Variants in MCTP2 observed in about 807,000 individuals in gnomAD.
MCTP2 encodes multiple C2 and transmembrane domain containing 2.
In MCTP2, 132 loss-of-function variants were observed where a neutral mutation model predicts 111.6. The ratio of observed to expected loss-of-function variants is 1.18; its 90% CI spans 1.03 to 1.37. The LOEUF is 1.37. MCTP2 is among the 40% of genes most tolerant of loss of function. The probability of loss-of-function intolerance (pLI) is 0.00; values close to 1 mark genes in which losing one functional copy is unlikely to be tolerated. For missense variants in MCTP2, 1,183 were observed against 1,067.9 expected, an observed-to-expected ratio of 1.11 and a Z score of -1.50; for synonymous variants, 395 against 387.7, an observed-to-expected ratio of 1.02 and a Z score of -0.22.
intron 21 of MCTP2, among the ~76,000 whole-genome samples, chr15:94,472,125 C>G (rs974371478): frequency 3.9e-5 from 6 of 152,220 alleles, no homozygotes; most frequent in Admixed American, 2.0e-4. Flanking sequence ...CGCCTGTAAT[C>G]CCAGCACTTT....
At chr15:94,325,310 G>A (rs1024327711) in intron 4 of MCTP2, among the ~76,000 whole-genome samples, 4 of 152,152 alleles carry the variant, frequency 2.6e-5, no homozygotes, top group Non-Finnish European at 5.9e-5. Context: ...ACAGTCATAT[G>A]CAATAAACAT....
intron 1 of MCTP2, 110 bp from the exon 2 acceptor site, chr15:94,298,091 T>A: frequency 2.0e-6 from 1 of 501,390 alleles, no homozygotes; most frequent in Non-Finnish European, 3.5e-6. Flanking sequence ...TTGGAAACTG[T>A]AAGATTTTTG....
chr15:94,274,183 TAAAAA>T lies in MCTP2; in HGVS notation c.-65-24013_-65-24009del, dbSNP rs35530286. 4.6e-3 allele frequency among the ~76,000 whole-genome samples: 698 copies of T among 150,944 alleles called. 7 individuals are homozygous for T. The highest frequency in any genetic ancestry group is 0.016 in the African/African-American group (669 of 41,114). ...TTATGAGTGAAAATGGGAAATGCTC[TAAAAA>T]AAAAGAAATCAGGAAATATACTGAA... On this transcript the variant is annotated intron_variant, in intron 1 of 22. Transcript: ENST00000357742.
chr15:94,390,049 CATATATATATATATATATATATATAT>C (rs1169783409), intron 14 of MCTP2, among the ~76,000 whole-genome samples: 8 of 109,680 alleles, frequency 7.3e-5, no homozygotes, highest in African/African-American at 2.5e-4. Flanking sequence ...ATGTTCAAGG[CATATATATATATATATATATATATAT>C]ATATATATAT....
intron 4 of MCTP2, among the ~76,000 whole-genome samples, chr15:94,321,880 G>T (rs1468335002): frequency 6.6e-6 from 1 of 152,184 alleles, no homozygotes; most frequent in Non-Finnish European, 1.5e-5. Context: ...AATAAGGTAA[G>T]CTAGAGAAGA....
At chr15:94,279,902 C>T (rs1269791435) in intron 1 of MCTP2, among the ~76,000 whole-genome samples, 2 of 152,136 alleles carry the variant, frequency 1.3e-5, no homozygotes, top group African/African-American at 4.8e-5. Context: ...TGCGATGAAT[C>T]ACATTTATTG....
At position 94,315,553 on chromosome 15, in the gene MCTP2, T is replaced by C. The variant is rs764699724; in HGVS notation, c.553T>C (p.Leu185=). 6.2e-7 allele frequency: 1 copy of C among 1,613,938 alleles called. No individual in the cohort carries two copies. Among genetic ancestry groups the C allele is most frequent in the Non-Finnish European group, 8.5e-7 (1 of 1,179,980 alleles). The change falls in exon 4 of 23, where the codon TTG becomes CTG. Residue 185 remains leucine (L), a synonymous_variant. Transcript: ENST00000357742. The part of the protein sequence containing the change: ...QSVPGEASDG[L]SNLPSPFAYL... ...GGTACCGGGGGAAGCCAGTGATGGC[T>C]TGAGTAACCTCCCCAGCCCTTTTGC...
chr15:94,277,203 A>G (rs762656005), intron 1 of MCTP2, among the ~76,000 whole-genome samples: 23 of 152,312 alleles, frequency 1.5e-4, no homozygotes, highest in Middle Eastern at 3.4e-3. Context: ...TGAGATACCT[A>G]GGAATTAATT....
intron 2 of MCTP2, among the ~76,000 whole-genome samples, chr15:94,305,791 A>G (rs1435055193): frequency 6.6e-6 from 1 of 152,174 alleles, no homozygotes; most frequent in Non-Finnish European, 1.5e-5. Context: ...GGCCCTAAAG[A>G]AAGGAGTTTC....
In MCTP2 at chr15:94,401,884, C is replaced by T. The variant is rs770000504; in HGVS notation, c.1966-16C>T. 7 of 1,592,508 alleles carry T rather than the reference C, an allele frequency of 4.4e-6. No homozygotes were observed. The East Asian group carries it at 1.6e-4, about 36-fold the overall frequency. On this transcript the variant is annotated splice_polypyrimidine_tract_variant and intron_variant, in intron 16 of 22. Transcript: ENST00000357742. Reference sequence around the variant, plus strand: ...TATTTAAATCTAGTTTCCTGTTTGTCATTTTTTAAAATCAGATCTTATCAA... The same window carrying T: ...TATTTAAATCTAGTTTCCTGTTTGTTATTTTTTAAAATCAGATCTTATCAA...
At chr15:94,390,080 A>G (rs879500497) in intron 14 of MCTP2, among the ~76,000 whole-genome samples, 1,755 of 11,642 alleles carry the variant, frequency 0.15, 58 homozygotes, top group Middle Eastern at 0.41. Flanking sequence ...ATATATATAT[A>G]TATATATATG....
At chr15:94,390,132 A>ATATATATGTGTATATATATATATATG in intron 14 of MCTP2, among the ~76,000 whole-genome samples, 1 of 90,472 alleles carries the variant, frequency 1.1e-5, no homozygotes, top group South Asian at 3.2e-4. Context: ...ATATATATAT[A>ATATATATGTGTATATATATATATATG]CTTAGATGTT....
At chr15:94,312,859 G>GC (rs1567393605) in intron 2 of MCTP2, among the ~76,000 whole-genome samples, 1 of 152,060 alleles carries the variant, frequency 6.6e-6, no homozygotes, top group East Asian at 1.9e-4. Flanking sequence ...CTGAAGATTT[G>GC]CCCCCTGGTC....
At chr15:94,428,664 T>C (rs767081601) in intron 17 of MCTP2, among the ~76,000 whole-genome samples, 5 of 152,290 alleles carry the variant, frequency 3.3e-5, no homozygotes, top group Non-Finnish European at 7.4e-5. Context: ...CCATGTGTCT[T>C]AACCTCACTT....
intron 19 of MCTP2, among the ~76,000 whole-genome samples, chr15:94,450,513 A>G (rs919314967): frequency 6.6e-5 from 10 of 152,232 alleles, no homozygotes; most frequent in African/African-American, 2.4e-4. Context: ...GTTATGACAG[A>G]TGCTAAGCTT....
At chr15:94,470,993 T>C (rs765023481) in intron 21 of MCTP2, among the ~76,000 whole-genome samples, 13 of 152,176 alleles carry the variant, frequency 8.5e-5, no homozygotes, top group South Asian at 6.2e-4. Flanking sequence ...GGGGAAATGG[T>C]GTGCCTACAT....
intron 18 of MCTP2, among the ~76,000 whole-genome samples, chr15:94,441,317 T>C (rs958768996): frequency 2.0e-5 from 3 of 152,186 alleles, no homozygotes; most frequent in Non-Finnish European, 2.9e-5. Context: ...TGAACACATA[T>C]CAGTGAGAAA....
Position 94,234,637 on chromosome 15 carries a change from A to G in MCTP2, c.-66+2973A>G, listed in dbSNP as rs1333422861. On this transcript the variant is annotated intron_variant, in intron 1 of 22. Transcript: ENST00000357742. ...GAGACACTCTGGACACTCATGTCCA[A>G]CGAACAATTCTGAGAGCTGGTCTTC... Among the ~76,000 whole-genome samples, 5 of 152,202 alleles carry G rather than the reference A, an allele frequency of 3.3e-5. 1 individual carries two copies. Among genetic ancestry groups the G allele is most frequent in the Admixed American group, 2.6e-4 (4 of 15,286 alleles).
intron 1 of MCTP2, among the ~76,000 whole-genome samples, chr15:94,282,506 C>G (rs546429881): frequency 1.3e-5 from 2 of 152,266 alleles, no homozygotes; most frequent in South Asian, 2.1e-4. Flanking sequence ...AGTGAGCTTC[C>G]TTGCTGTCTG....
Sources: allele counts gnomAD v4.1 joint callset (sites outside exome capture counted in the v4.1 genomes callset), GRCh38; gene constraint gnomAD v4.1.1; transcripts MANE v1.5; gene names NCBI Gene and HGNC (gene_info 2026-07-23, HGNC 2026-07-21).